USP32: variants seen among roughly 807,000 people sequenced by gnomAD.
The protein encoded by USP32 is ubiquitin specific peptidase 32, also known as ubiquitin carboxyl-terminal hydrolase 32.
A neutral mutation model predicts 204.8 loss-of-function variants in USP32; 59 were observed. The observed-to-expected ratio is 0.29, with a 90% confidence interval of 0.23 to 0.36. The LOEUF (loss-of-function observed/expected upper bound fraction) is 0.36. USP32 is among the 10% of genes least tolerant of loss of function. The pLI, the probability that USP32 is intolerant of heterozygous loss-of-function variation, is 1.00. For synonymous variants in USP32, 517 were observed against 678.4 expected (o/e 0.76, Z 3.70); for missense variants, 1,160 against 1,946.4 (o/e 0.60, Z 7.60).
chr17:60,325,727 C>T (rs2088217058), intron 2 of USP32, among the ~76,000 whole-genome samples: 2 of 151,946 alleles, frequency 1.3e-5, no homozygotes, highest in Non-Finnish European at 2.9e-5. Context: ...AGCAGTTCAA[C>T]ACCAGCCTGG....
chr17:60,188,587 A>G (rs1255099505), intron 29 of USP32, among the ~76,000 whole-genome samples: 9 of 152,226 alleles, frequency 5.9e-5, no homozygotes, highest in Non-Finnish European at 1.3e-4. Context: ...TATCCAATGA[A>G]TACACCATGC....
At chr17:60,334,134 T>C (rs944607913) in intron 2 of USP32, among the ~76,000 whole-genome samples, 2 of 152,194 alleles carry the variant, frequency 1.3e-5, no homozygotes, top group Non-Finnish European at 2.9e-5. Flanking sequence ...TACTTGAGTT[T>C]ACTGTAAAAA....
intron 3 of USP32, among the ~76,000 whole-genome samples, chr17:60,297,965 G>A (rs1382597788): frequency 6.6e-6 from 1 of 152,182 alleles, no homozygotes; most frequent in Non-Finnish European, 1.5e-5. Context: ...CTCCTGATAA[G>A]AAGACCACTG....
chr17:60,401,518 G>A (rs1033465818), intron 1 of USP32, among the ~76,000 whole-genome samples: 2 of 151,916 alleles, frequency 1.3e-5, no homozygotes, highest in Non-Finnish European at 2.9e-5. Flanking sequence ...AGGAAGTTCT[G>A]GGCACCCTCA....
rs577612110 is a variant in USP32 at position 60,201,137 on chromosome 17, T to C, written c.3250-2693A>G. The stretch of plus-strand genomic sequence containing the variant: ...CCTCCCAAAATGCTGAGATTACAGG[T>C]GTGAGCCACCGTGCCTAGCCTAATT... On this transcript the variant is annotated intron_variant, in intron 26 of 33. Coordinates refer to ENST00000300896, the MANE Select transcript of USP32 (RefSeq NM_032582.4). Among the ~76,000 whole-genome samples the C allele has an allele frequency of 3.9e-5, 6 of 152,310 alleles. No homozygotes were observed. In the East Asian group the frequency reaches 1.2e-3, roughly 29 times the overall value.
intron 12 of USP32, among the ~76,000 whole-genome samples, chr17:60,229,110 C>G (rs2085476765): frequency 6.6e-6 from 1 of 151,778 alleles, no homozygotes; most frequent in South Asian, 2.1e-4. Flanking sequence ...GGGTCTTGCT[C>G]AGTCGCCTAT....
chr17:60,302,196 C>A (rs1241429422), intron 2 of USP32, among the ~76,000 whole-genome samples: 1 of 151,786 alleles, frequency 6.6e-6, no homozygotes, highest in South Asian at 2.1e-4. Context: ...AGTGCAATGG[C>A]GTCATCTTGG....
At chr17:60,352,826 G>C (rs1251977828) in intron 1 of USP32, among the ~76,000 whole-genome samples, 1 of 152,166 alleles carries the variant, frequency 6.6e-6, no homozygotes, top group African/African-American at 2.4e-5. Context: ...AAGGCATAAA[G>C]TAAAAAGGGA....
chr17:60,278,666 AG>A (rs2086895338), intron 5 of USP32, among the ~76,000 whole-genome samples: 1 of 152,238 alleles, frequency 6.6e-6, no homozygotes, highest in South Asian at 2.1e-4. Flanking sequence ...GGCAAAAAAC[AG>A]GAAAGAATTT....
chr17:60,355,594 C>T (rs2089050270), intron 1 of USP32, among the ~76,000 whole-genome samples: 1 of 152,010 alleles, frequency 6.6e-6, no homozygotes, highest in Admixed American at 6.6e-5. Context: ...CGGTGGCAAT[C>T]CCAGCACTTT....
rs193054423 is a variant in USP32, at chr17:60,405,867, T to C, written c.106+16379A>G. On this transcript the variant is annotated intron_variant, in intron 1 of 3. Transcript: ENST00000588898. ...TAGAATTTTATTCTTTCAAAGGTTA[T>C]TATTTGGCTGGGTGCAGAAGCTCAC... Among the ~76,000 whole-genome samples, 1,398 of 152,238 alleles carry C rather than the reference T, an allele frequency of 9.2e-3. 8 individuals are homozygous for C. The highest frequency in any genetic ancestry group is 0.017 in the Middle Eastern group (5 of 294).
chr17:60,385,395 G>A (rs368159562), intron 1 of USP32, among the ~76,000 whole-genome samples: 3 of 152,112 alleles, frequency 2.0e-5, no homozygotes, highest in Admixed American at 1.3e-4. Flanking sequence ...TCACATGGAC[G>A]CGCATGACAG....
At chr17:60,421,519 A>G in intron 1 of USP32, 2 of 985,482 alleles carry the variant, frequency 2.0e-6, no homozygotes, top group Non-Finnish European at 2.4e-6. Context: ...CCGGGCCCAG[A>G]GGACACGAAG....
intron 1 of USP32, among the ~76,000 whole-genome samples, chr17:60,390,632 G>A (rs560832131): frequency 2.6e-5 from 4 of 152,328 alleles, no homozygotes; most frequent in African/African-American, 7.2e-5. Context: ...ACTGTCAGGT[G>A]ATGGTCAACT....
chr17:60,275,137 A>G (rs1224784945), intron 5 of USP32, among the ~76,000 whole-genome samples: 1 of 152,164 alleles, frequency 6.6e-6, no homozygotes. Context: ...CATTTTGAGC[A>G]CTCAATAAAT....
intron 2 of USP32, among the ~76,000 whole-genome samples, chr17:60,312,503 G>A (rs991833067): frequency 3.3e-5 from 5 of 151,208 alleles, no homozygotes; most frequent in Non-Finnish European, 5.9e-5. Context: ...ACAGCTCATC[G>A]CAGCCTTGAC....
At chr17:60,223,367 G>C (rs755987436) in intron 14 of USP32, 44 bp downstream of exon 14, 2 of 1,538,166 alleles carry the variant, frequency 1.3e-6, no homozygotes, top group Non-Finnish European at 1.8e-6. Context: ...TTTATTAATA[G>C]CTTGCAAGAG....
intron 28 of USP32, among the ~76,000 whole-genome samples, chr17:60,190,992 C>T (rs1210052436): frequency 6.6e-6 from 1 of 152,172 alleles, no homozygotes; most frequent in African/African-American, 2.4e-5. Flanking sequence ...GTTTGAGATA[C>T]TACAGCACTC....
At chr17:60,421,675 G>C (rs576957353) in intron 1 of USP32, 1 of 882,050 alleles carries the variant, frequency 1.1e-6, no homozygotes, top group Non-Finnish European at 1.4e-6. Flanking sequence ...CGCCAGGGGC[G>C]AGGGTCCCGG....
Sources: allele counts gnomAD v4.1 joint callset (sites outside exome capture counted in the v4.1 genomes callset), GRCh38; gene constraint gnomAD v4.1.1; transcripts MANE v1.5; gene names NCBI Gene and HGNC (gene_info 2026-07-23, HGNC 2026-07-21).